Variants in CERS6 observed in about 807,000 individuals in gnomAD.
CERS6 encodes ceramide synthase 6, also known as LAG1 homolog, ceramide synthase 6.
In CERS6, 26 loss-of-function variants were observed where a neutral mutation model predicts 56.8. That is an observed-to-expected ratio of 0.46 (90% CI 0.34 to 0.63). The LOEUF (loss-of-function observed/expected upper bound fraction) is 0.63. CERS6 is among the 30% of genes least tolerant of loss of function. CERS6 has a pLI of 0.01. For synonymous variants in CERS6, 164 were observed against 173.3 expected, an observed-to-expected ratio of 0.95 and a Z score of 0.42; for missense variants, 415 against 467.5, an observed-to-expected ratio of 0.89 and a Z score of 1.04.
intron 6 of CERS6, among the ~76,000 whole-genome samples, chr2:168,702,130 G>T (rs976194372): frequency 2.0e-5 from 3 of 151,958 alleles, no homozygotes. Context: ...TCAATTCATG[G>T]TTGAATCCAT....
At chr2:168,465,616 G>A (rs1302488360) in intron 1 of CERS6, among the ~76,000 whole-genome samples, 1 of 152,174 alleles carries the variant, frequency 6.6e-6, no homozygotes, top group Non-Finnish European at 1.5e-5. Context: ...CATGCTTAGT[G>A]AAATAAGACA....
intron 3 of CERS6, among the ~76,000 whole-genome samples, chr2:168,606,809 C>G (rs1461325221): frequency 1.3e-5 from 2 of 152,194 alleles, no homozygotes; most frequent in African/African-American, 4.8e-5. Context: ...TTAACATCAT[C>G]TGCCTTGGTA....
At chr2:168,512,643 AT>A (rs1270659782) in intron 1 of CERS6, among the ~76,000 whole-genome samples, 3 of 144,114 alleles carry the variant, frequency 2.1e-5, no homozygotes, top group African/African-American at 7.8e-5. Flanking sequence ...CCAATTAATG[AT>A]TTTTTTCTAC....
Position 168,592,533 on chromosome 2 carries a change from C to A in CERS6, c.407+31211C>A, listed in dbSNP as rs148123948. On this transcript the variant is annotated intron_variant, in intron 3 of 9. Coordinates refer to ENST00000305747, the MANE Select transcript of CERS6 (RefSeq NM_203463.3). ...ATCAAGCAGGTTAACCAGCAGCATGCAGCATGGGGTGGAGGCAGGCTGTTG... is the reference window on the plus strand; with the variant it reads ...ATCAAGCAGGTTAACCAGCAGCATGAAGCATGGGGTGGAGGCAGGCTGTTG... Among the ~76,000 whole-genome samples the A allele has an allele frequency of 3.8e-3, 571 of 152,180 alleles. 3 individuals are homozygous for A. Among genetic ancestry groups the A allele is most frequent in the African/African-American group, 0.013 (546 of 41,514 alleles).
intron 8 of CERS6, among the ~76,000 whole-genome samples, chr2:168,723,683 G>A (rs917645234): frequency 6.6e-6 from 1 of 152,138 alleles, no homozygotes; most frequent in African/African-American, 2.4e-5. Context: ...GAATAATCTT[G>A]TTAATACTGT....
chr2:168,657,665 C>T (rs989646235), intron 4 of CERS6, among the ~76,000 whole-genome samples: 32 of 152,252 alleles, frequency 2.1e-4, no homozygotes, highest in East Asian at 1.9e-4. Context: ...GTACACCCTC[C>T]GCAGCCACTG....
chr2:168,501,955 C>G (rs1333335498), intron 1 of CERS6, among the ~76,000 whole-genome samples: 1 of 152,136 alleles, frequency 6.6e-6, no homozygotes, highest in Non-Finnish European at 1.5e-5. Context: ...ATTGCAAGCA[C>G]ATATTTGTTT....
intron 6 of CERS6, among the ~76,000 whole-genome samples, chr2:168,700,979 A>G (rs544778497): frequency 2.0e-5 from 3 of 152,238 alleles, no homozygotes; most frequent in East Asian, 1.9e-4. Flanking sequence ...CCATATGACT[A>G]GTGGGCTGTG....
intron 1 of CERS6, among the ~76,000 whole-genome samples, chr2:168,477,118 T>C (rs1694086280): frequency 7.8e-6 from 1 of 128,448 alleles, no homozygotes; most frequent in African/African-American, 3.0e-5. Context: ...GCTCTTTGTC[T>C]TTTTTTTTGT....
intron 3 of CERS6, 119 bp from the exon 4 acceptor site, chr2:168,630,866 T>G: frequency 2.1e-6 from 1 of 473,888 alleles, no homozygotes; most frequent in Non-Finnish European, 3.8e-6. Context: ...AGTTTAATCC[T>G]TAGTTGAGGT....
chr2:168,549,909 G>A (rs181952242), intron 2 of CERS6, among the ~76,000 whole-genome samples: 5 of 152,264 alleles, frequency 3.3e-5, no homozygotes, highest in Admixed American at 1.3e-4. Flanking sequence ...TTGTGTGTGT[G>A]TGTGAATGAT....
At chr2:168,620,779 T>C (rs1448135989) in intron 3 of CERS6, among the ~76,000 whole-genome samples, 1 of 148,486 alleles carries the variant, frequency 6.7e-6, no homozygotes, top group African/African-American at 2.6e-5. Context: ...TTTTTTTTTT[T>C]TAAGACAAGG....
intron 4 of CERS6, among the ~76,000 whole-genome samples, chr2:168,682,684 G>A (rs1366252082): frequency 6.6e-6 from 1 of 152,130 alleles, no homozygotes; most frequent in East Asian, 1.9e-4. Flanking sequence ...TCTCACAATG[G>A]GGGGTGGGAG....
At chr2:168,552,486 CAT>C (rs1230052953) in intron 2 of CERS6, among the ~76,000 whole-genome samples, 1 of 151,896 alleles carries the variant, frequency 6.6e-6, no homozygotes, top group Non-Finnish European at 1.5e-5. Context: ...GATTTCAAAA[CAT>C]ATAAAGGCTA....
chr2:168,694,724 A>G (rs1354662400), intron 5 of CERS6, among the ~76,000 whole-genome samples: 1 of 152,170 alleles, frequency 6.6e-6, no homozygotes, highest in African/African-American at 2.4e-5. Flanking sequence ...TTGAGTCCCA[A>G]ATGTTCGTGC....
intron 1 of CERS6, among the ~76,000 whole-genome samples, chr2:168,511,177 T>C (rs1393000033): frequency 6.6e-6 from 1 of 152,244 alleles, no homozygotes; most frequent in African/African-American, 2.4e-5. Context: ...TCTCCTTGGT[T>C]GGGTCCATTT....
chr2:168,590,549 T>A (rs912382776), intron 3 of CERS6, among the ~76,000 whole-genome samples: 1 of 152,130 alleles, frequency 6.6e-6, no homozygotes, highest in East Asian at 1.9e-4. Flanking sequence ...TATGTAAGAG[T>A]ATATAAAAGT....
At chr2:168,695,372 T>C (rs892078665) in intron 6 of CERS6, among the ~76,000 whole-genome samples, 8 of 152,186 alleles carry the variant, frequency 5.3e-5, no homozygotes, top group African/African-American at 1.7e-4. Flanking sequence ...AAGCAAGAAT[T>C]CTATTTGTAG....
intron 6 of CERS6, among the ~76,000 whole-genome samples, chr2:168,699,314 C>T (rs886780061): frequency 1.3e-5 from 2 of 152,130 alleles, no homozygotes; most frequent in Non-Finnish European, 2.9e-5. Context: ...TTGAAGACAC[C>T]CATTGGCAAT....
Sources: gnomAD v4.1 joint callset for allele counts (sites outside exome capture counted in the v4.1 genomes callset) on GRCh38, gnomAD v4.1.1 for gene constraint, MANE v1.5 for transcripts, NCBI Gene and HGNC (gene_info 2026-07-23, HGNC 2026-07-21) for gene names.